The following GLIPR1L1 variants were observed in gnomAD, a reference collection of about 807,000 sequenced individuals.
The protein encoded by GLIPR1L1 is GLIPR1 like 1, also known as GLIPR1-like protein 1.
A neutral mutation model predicts 29.9 loss-of-function variants in GLIPR1L1; 26 were observed. The ratio of observed to expected loss-of-function variants is 0.87; its 90% CI spans 0.64 to 1.21. The LOEUF (loss-of-function observed/expected upper bound fraction) is 1.21. Among genes scored for constraint, GLIPR1L1 ranks in the 50% most tolerant of loss-of-function variants. The pLI is 0.00. For missense variants in GLIPR1L1, 305 were observed against 290.3 expected, an observed-to-expected ratio of 1.05 and a Z score of -0.37; for synonymous variants, 77 against 97.5, an observed-to-expected ratio of 0.79 and a Z score of 1.24.
At chr12:75,350,635 C>A (rs992896689) in intron 3 of GLIPR1L1, among the ~76,000 whole-genome samples, 7 of 152,082 alleles carry the variant, frequency 4.6e-5, no homozygotes, top group Non-Finnish European at 1.0e-4. Context: ...GCTAAAAGAA[C>A]AAACAGAAAG....
At chr12:75,366,977 C>T (rs1317215152) in intron 4 of GLIPR1L1, 1 of 701,696 alleles carries the variant, frequency 1.4e-6, no homozygotes, top group African/African-American at 1.7e-5. Flanking sequence ...TTGCAGCTTG[C>T]AGTAACAAAA....
chr12:75,351,550 GTT>G (rs1175807861), intron 3 of GLIPR1L1, among the ~76,000 whole-genome samples: 6 of 131,040 alleles, frequency 4.6e-5, no homozygotes, highest in African/African-American at 1.1e-4. Context: ...GTTTTGTTTT[GTT>G]TTTTTTTTTT....
At chr12:75,348,050 A>G (rs541334351) in intron 3 of GLIPR1L1, among the ~76,000 whole-genome samples, 2 of 152,274 alleles carry the variant, frequency 1.3e-5, no homozygotes, top group Non-Finnish European at 2.9e-5. Context: ...CTTCTCTAAT[A>G]TAATATAAAA....
chr12:75,357,575 G>A (rs536915927), intron 3 of GLIPR1L1, among the ~76,000 whole-genome samples: 1 of 151,964 alleles, frequency 6.6e-6, no homozygotes, highest in Admixed American at 6.6e-5. Flanking sequence ...AAGTGTACAT[G>A]AAATATTTAA....
At position 75,334,910 on chromosome 12, in the gene GLIPR1L1, A is replaced by G; in HGVS notation, c.174+8A>G. The G allele has an allele frequency of 6.2e-7, 1 of 1,612,564 alleles. No individual in the cohort carries two copies. Among genetic ancestry groups the G allele is most frequent in the Admixed American group, 1.7e-5 (1 of 59,974 alleles). On this transcript the variant is annotated splice_region_variant and intron_variant, in intron 1 of 5. Transcript: ENST00000378695. Reference sequence around the variant, plus strand: ...GCCGACATGAAATACATGGTGAGAAAGAACCAGGGCTGGGCTCTTAAATCC... The same window carrying G: ...GCCGACATGAAATACATGGTGAGAAGGAACCAGGGCTGGGCTCTTAAATCC...
intron 3 of GLIPR1L1, among the ~76,000 whole-genome samples, chr12:75,359,035 T>C (rs575164278): frequency 1.3e-5 from 2 of 150,300 alleles, no homozygotes; most frequent in African/African-American, 4.8e-5. Flanking sequence ...GGCCACACTG[T>C]GCTGATTGCT....
intron 1 of GLIPR1L1, among the ~76,000 whole-genome samples, chr12:75,341,745 C>CTGTTT (rs1565956607): frequency 7.1e-6 from 1 of 141,080 alleles, no homozygotes; most frequent in African/African-American, 2.7e-5. Flanking sequence ...CGCGCCCGGC[C>CTGTTT]TCTTTTTTTT....
intron 4 of GLIPR1L1, 61 bp from the exon 5 acceptor site, chr12:75,369,899 A>G: frequency 1.5e-6 from 2 of 1,313,556 alleles, no homozygotes; most frequent in Non-Finnish European, 1.0e-6. Context: ...CCATAAAAGC[A>G]AAGAAATATG....
chr12:75,363,459 G>T (rs2043752932), intron 4 of GLIPR1L1, among the ~76,000 whole-genome samples: 1 of 152,000 alleles, frequency 6.6e-6, no homozygotes, highest in Non-Finnish European at 1.5e-5. Flanking sequence ...AAATAACTAT[G>T]GGTTGAAATG....
chr12:75,345,405 T>C (rs564284823), intron 2 of GLIPR1L1, among the ~76,000 whole-genome samples: 1 of 152,284 alleles, frequency 6.6e-6, no homozygotes, highest in East Asian at 1.9e-4. Context: ...TTTTGGGCCA[T>C]ACTTTAATCC....
chr12:75,346,116 T>C (rs1469534451), intron 2 of GLIPR1L1, among the ~76,000 whole-genome samples: 1 of 152,208 alleles, frequency 6.6e-6, no homozygotes, highest in Non-Finnish European at 1.5e-5. Flanking sequence ...TAAACCTACA[T>C]AGTGAATATT....
intron 1 of GLIPR1L1, among the ~76,000 whole-genome samples, chr12:75,343,338 A>G (rs893100224): frequency 6.6e-6 from 1 of 151,994 alleles, no homozygotes; most frequent in African/African-American, 2.4e-5. Context: ...TTTAATTATC[A>G]ATGAGTATTC....
intron 1 of GLIPR1L1, among the ~76,000 whole-genome samples, chr12:75,336,852 A>G (rs796630066): frequency 5.9e-5 from 9 of 151,962 alleles, no homozygotes; most frequent in African/African-American, 2.2e-4. Flanking sequence ...ACATTCATCA[A>G]TATAAACAAT....
intron 1 of GLIPR1L1, among the ~76,000 whole-genome samples, chr12:75,337,668 AT>A (rs2139253397): frequency 6.6e-6 from 1 of 152,086 alleles, no homozygotes; most frequent in South Asian, 2.1e-4. Context: ...CAAGATTGGA[AT>A]TTTTATTTCA....
Position 75,334,809 on chromosome 12 carries a change from C to T in GLIPR1L1, c.81C>T (p.Ser27=), listed in dbSNP as rs764049133. 1 of 1,614,090 alleles carries T rather than the reference C, an allele frequency of 6.2e-7. No homozygotes were observed. The highest frequency in any genetic ancestry group is 8.5e-7 in the Non-Finnish European group (1 of 1,179,978). ...CCACTACATCTTCCAAAATCCCATC[C>T]ATCACTGACCCACACTTTATAGACA... ...LVATTSSKIP[S]ITDPHFIDNC... is the part of the protein sequence containing the mutation. Residue 27 remains serine, a synonymous_variant, in exon 1 of 6, where the codon TCC becomes TCT. Transcript: ENST00000378695.
intron 3 of GLIPR1L1, chr12:75,360,065 C>T (rs1401225745): frequency 6.6e-6 from 1 of 152,112 alleles, no homozygotes; most frequent in Non-Finnish European, 1.5e-5. Context: ...AGAACTCACT[C>T]ACTATCATGA....
chr12:75,350,817 G>T (rs536113845), intron 3 of GLIPR1L1, among the ~76,000 whole-genome samples: 1 of 152,268 alleles, frequency 6.6e-6, no homozygotes, highest in South Asian at 2.1e-4. Flanking sequence ...CACATCTCCA[G>T]CAAGGGCACA....
intron 4 of GLIPR1L1, among the ~76,000 whole-genome samples, chr12:75,366,597 T>C (rs2043978680): frequency 1.3e-5 from 2 of 151,916 alleles, no homozygotes; most frequent in Non-Finnish European, 2.9e-5. Flanking sequence ...ACACGGCACC[T>C]CAAAGTGGAT....
intron 5 of GLIPR1L1, 48 bp downstream of exon 5, chr12:75,370,034 G>T: frequency 7.7e-7 from 1 of 1,295,728 alleles, no homozygotes; most frequent in Non-Finnish European, 1.1e-6. Flanking sequence ...TCCTCCCGTT[G>T]AAAATCAATT....
Sources: allele counts gnomAD v4.1 joint callset (sites outside exome capture counted in the v4.1 genomes callset), GRCh38; gene constraint gnomAD v4.1.1; transcripts MANE v1.5; gene names NCBI Gene and HGNC (gene_info 2026-07-23, HGNC 2026-07-21).